ANKH: variants seen among roughly 807,000 people sequenced by gnomAD.
The protein encoded by ANKH is ANKH inorganic pyrophosphate transport regulator.
A neutral mutation model predicts 49.0 loss-of-function variants in ANKH; 15 were observed. That is an observed-to-expected ratio of 0.31 (90% CI 0.20 to 0.47). The LOEUF is 0.47. ANKH is among the 20% of genes least tolerant of loss of function. The pLI is 1.00. For missense variants in ANKH, 429 were observed against 652.0 expected, an observed-to-expected ratio of 0.66 and a Z score of 3.72; for synonymous variants, 273 against 260.0, an observed-to-expected ratio of 1.05 and a Z score of -0.48.
intron 1 of ANKH, among the ~76,000 whole-genome samples, chr5:14,857,947 C>T (rs993729281): frequency 3.3e-5 from 5 of 151,968 alleles, no homozygotes; most frequent in African/African-American, 9.7e-5. Context: ...ACATTGTGAC[C>T]GGTAATATTA....
At chr5:14,837,754 C>A (rs1227253596) in intron 1 of ANKH, among the ~76,000 whole-genome samples, 3 of 152,200 alleles carry the variant, frequency 2.0e-5, no homozygotes, top group African/African-American at 7.2e-5. Context: ...TACCATTTGA[C>A]CCAGCCATCC....
chr5:14,871,319 C>A (rs1267521893), intron 1 of ANKH, 33 bp downstream of exon 1: 8 of 1,590,722 alleles, frequency 5.0e-6, no homozygotes, highest in South Asian at 2.2e-5. Context: ...CAAGGCAGGG[C>A]GAGCGGGCGT....
In ANKH at chr5:14,834,803, T is replaced by C. The variant is rs186252444; in HGVS notation, c.96+36549A>G. 7.0e-3 allele frequency among the ~76,000 whole-genome samples: 1,066 copies of C among 152,184 alleles called. 53 individuals carry two copies. The highest frequency in any genetic ancestry group is 0.063 in the Admixed American group (967 of 15,274). ...CTCAAAATAAATAAATAAATATCTA[T>C]TGTGTCATCTTGGACATGTGCCTTA... On this transcript the variant is annotated intron_variant, in intron 1 of 11. Transcript: ENST00000284268.
chr5:14,833,518 C>T (rs1357253418), intron 1 of ANKH, among the ~76,000 whole-genome samples: 1 of 152,156 alleles, frequency 6.6e-6, no homozygotes, highest in Non-Finnish European at 1.5e-5. Flanking sequence ...CCTGCTCCTC[C>T]CCCAGTCTGG....
intron 1 of ANKH, among the ~76,000 whole-genome samples, chr5:14,866,290 G>A (rs1205516819): frequency 6.6e-6 from 1 of 152,220 alleles, no homozygotes; most frequent in Admixed American, 6.5e-5. Context: ...ACAGGCGTGA[G>A]CCACCGCGCC....
intron 1 of ANKH, among the ~76,000 whole-genome samples, chr5:14,793,047 T>TAA (rs1554006448): frequency 4.3e-4 from 28 of 64,720 alleles, no homozygotes; most frequent in Admixed American, 6.8e-4. Context: ...AATATATATA[T>TAA]AAATATATAT....
chr5:14,791,054 A>C (rs1428548747), intron 1 of ANKH, among the ~76,000 whole-genome samples: 1 of 152,212 alleles, frequency 6.6e-6, no homozygotes, highest in Admixed American at 6.5e-5. Context: ...AAGATGACTG[A>C]GACTCATAGG....
At chr5:14,821,037 G>A (rs1741184418) in intron 1 of ANKH, among the ~76,000 whole-genome samples, 2 of 151,396 alleles carry the variant, frequency 1.3e-5, no homozygotes, top group Non-Finnish European at 2.9e-5. Flanking sequence ...GATGGAGGTT[G>A]CAGTGAGACC....
At chr5:14,835,013 A>C (rs543330720) in intron 1 of ANKH, among the ~76,000 whole-genome samples, 1 of 152,328 alleles carries the variant, frequency 6.6e-6, no homozygotes, top group East Asian at 1.9e-4. Context: ...AAAACAGCCA[A>C]AGTAGGAAAG....
chr5:14,719,772 G>A (rs1737604428), intron 8 of ANKH, among the ~76,000 whole-genome samples: 1 of 152,190 alleles, frequency 6.6e-6, no homozygotes, highest in Non-Finnish European at 1.5e-5. Context: ...GTGGAAGTGA[G>A]CAGCACTGAA....
rs71603741 is a variant in ANKH at position 14,773,353 on chromosome 5, C to CTTTTTTT, written c.97-4169_97-4163dup. On this transcript the variant is annotated intron_variant, in intron 1 of 11. Coordinates refer to ENST00000284268, the MANE Select transcript of ANKH (RefSeq NM_054027.6). ...TTATGTGTCTTCTTGGCAAAGCATT[C>CTTTTTTT]TTTTTTTTTTTTTTTTTTTTTTTTT... 8.3e-3 allele frequency among the ~76,000 whole-genome samples: 640 copies of CTTTTTTT among 76,900 alleles called. 11 individuals are homozygous for CTTTTTTT. The highest frequency in any genetic ancestry group is 9.8e-3 in the Non-Finnish European group (419 of 42,904). The allele number at this position is 76,900 out of a possible 152,430, so 50.4% of individuals were successfully genotyped here.
chr5:14,804,299 A>G (rs560878976), intron 1 of ANKH, among the ~76,000 whole-genome samples: 1 of 152,308 alleles, frequency 6.6e-6, no homozygotes, highest in South Asian at 2.1e-4. Flanking sequence ...TCTGCAATGT[A>G]TGTCCCCAGC....
intron 8 of ANKH, chr5:14,724,606 G>T: frequency 1.0e-6 from 1 of 985,142 alleles, no homozygotes; most frequent in African/African-American, 1.7e-5. Context: ...TAAGAACCAC[G>T]GAAGGGGGAT....
At chr5:14,824,156 C>T (rs1355218522) in intron 1 of ANKH, among the ~76,000 whole-genome samples, 7 of 151,882 alleles carry the variant, frequency 4.6e-5, no homozygotes, top group Admixed American at 4.6e-4. Context: ...GGCCATCCTT[C>T]CTTGAAAGAA....
intron 6 of ANKH, among the ~76,000 whole-genome samples, chr5:14,747,401 G>C (rs1454174964): frequency 6.6e-6 from 1 of 151,998 alleles, no homozygotes; most frequent in Non-Finnish European, 1.5e-5. Context: ...ACAACAAAGC[G>C]AGACACCGTC....
chr5:14,730,334 A>T (rs940933999), intron 8 of ANKH, among the ~76,000 whole-genome samples: 21 of 152,060 alleles, frequency 1.4e-4, no homozygotes, highest in African/African-American at 4.3e-4. Context: ...AGGGAAAATT[A>T]TTTTTTTTAA....
At chr5:14,718,850 G>T (rs1234384572) in intron 8 of ANKH, among the ~76,000 whole-genome samples, 2 of 103,598 alleles carry the variant, frequency 1.9e-5, no homozygotes, top group Non-Finnish European at 4.0e-5. Flanking sequence ...AAAAAAAAAA[G>T]ACATAGAAAA....
chr5:14,731,925 G>A (rs1185113150), intron 8 of ANKH, among the ~76,000 whole-genome samples: 10 of 152,248 alleles, frequency 6.6e-5, no homozygotes, highest in Non-Finnish European at 1.5e-4. Context: ...ACACACGGGA[G>A]GCCCAGGGAG....
intron 8 of ANKH, among the ~76,000 whole-genome samples, chr5:14,733,285 C>T (rs942669476): frequency 2.0e-5 from 3 of 152,232 alleles, no homozygotes; most frequent in Non-Finnish European, 4.4e-5. Flanking sequence ...AGAAGAATTT[C>T]ATGGCACCAT....
Sources: gnomAD v4.1 joint callset for allele counts (sites outside exome capture counted in the v4.1 genomes callset) on GRCh38, gnomAD v4.1.1 for gene constraint, MANE v1.5 for transcripts, NCBI Gene and HGNC (gene_info 2026-07-23, HGNC 2026-07-21) for gene names.